Variants in COL21A1 observed in about 807,000 individuals in gnomAD.
COL21A1 encodes collagen type XXI alpha 1 chain.
A neutral mutation model predicts 137.9 loss-of-function variants in COL21A1; 149 were observed. That is an observed-to-expected ratio of 1.08 (90% CI 0.95 to 1.24). The LOEUF (loss-of-function observed/expected upper bound fraction) is 1.24. COL21A1 is among the 50% of genes most tolerant of loss of function. The pLI, the probability that COL21A1 is intolerant of heterozygous loss-of-function variation, is 0.00. For missense variants in COL21A1, 1,167 were observed against 1,158.4 expected, an observed-to-expected ratio of 1.01 and a Z score of -0.11; for synonymous variants, 456 against 391.5, an observed-to-expected ratio of 1.16 and a Z score of -1.95.
At chr6:56,295,964 T>C (rs1288610502) in intron 1 of COL21A1, among the ~76,000 whole-genome samples, 2 of 151,916 alleles carry the variant, frequency 1.3e-5, no homozygotes, top group Admixed American at 1.3e-4. Context: ...ACTTACAGTA[T>C]GATATTGAAT....
chr6:56,275,256 A>C lies in COL21A1; in HGVS notation c.-38-92600T>G, dbSNP rs573168256. 1.8e-4 allele frequency among the ~76,000 whole-genome samples: 28 copies of C among 152,322 alleles called. 1 individual carries two copies. The South Asian group carries it at 5.8e-3, about 32-fold the overall frequency. Reference sequence around the variant, plus strand: ...TTAAATATAAGACCTCAAACTATAAAAATCCTAGAAGAAAACAGGAGATAC... The same window carrying C: ...TTAAATATAAGACCTCAAACTATAACAATCCTAGAAGAAAACAGGAGATAC... On this transcript the variant is annotated intron_variant, in intron 1 of 28. Coordinates refer to the COL21A1 transcript ENST00000370819.
intron 3 of COL21A1, among the ~76,000 whole-genome samples, chr6:56,178,734 A>T (rs1777675884): frequency 6.6e-6 from 1 of 152,100 alleles, no homozygotes; most frequent in Non-Finnish European, 1.5e-5. Context: ...CAAAACTGGG[A>T]CCTTCCCATA....
At chr6:56,272,245 G>T (rs1763545981) in intron 1 of COL21A1, among the ~76,000 whole-genome samples, 2 of 152,240 alleles carry the variant, frequency 1.3e-5, no homozygotes, top group South Asian at 4.1e-4. Flanking sequence ...CCTTGCATCA[G>T]CATTCCCTGG....
rs75400116 is a variant in COL21A1, at chr6:56,113,480, G to A, written c.1758+10582C>T. On this transcript the variant is annotated intron_variant, in intron 16 of 29. Coordinates refer to ENST00000244728, the MANE Select transcript of COL21A1 (RefSeq NM_030820.4). ...ACCCTGGGCCAGAAGTAAACCCACT[G>A]CCTTGAAGGAAAGGATGCAGTCCTG... is the stretch of plus-strand genomic sequence containing the variant. 8.1e-3 allele frequency among the ~76,000 whole-genome samples: 1,233 copies of A among 152,254 alleles called. 19 individuals carry two copies. The highest frequency in any genetic ancestry group is 0.029 in the African/African-American group (1,188 of 41,538).
intron 12 of COL21A1, among the ~76,000 whole-genome samples, chr6:56,137,026 C>G (rs1774056700): frequency 6.6e-6 from 1 of 152,120 alleles, no homozygotes; most frequent in African/African-American, 2.4e-5. Flanking sequence ...AAAAACTACT[C>G]TGGCCAAAGC....
At position 56,156,956 on chromosome 6, in the gene COL21A1, A is replaced by G; in HGVS notation, c.1372-7T>C. 6.2e-7 allele frequency: 1 copy of G among 1,608,730 alleles called. No individual in the cohort carries two copies. ...CAGGCAGTCCAGGGTCACCCTAAGC[A>G]GGAAGCAAACAAACTTTTGAGTACA... On this transcript the variant is annotated splice_polypyrimidine_tract_variant and splice_region_variant and intron_variant, in intron 9 of 29. Transcript: ENST00000244728.
chr6:56,073,203 G>A (rs1291236912), intron 20 of COL21A1, among the ~76,000 whole-genome samples: 1 of 151,384 alleles, frequency 6.6e-6, no homozygotes, highest in Admixed American at 6.6e-5. Flanking sequence ...TTAATAAGGG[G>A]TATTTTCTTA....
At chr6:56,372,150 G>A (rs903825069) in intron 1 of COL21A1, among the ~76,000 whole-genome samples, 3 of 152,090 alleles carry the variant, frequency 2.0e-5, no homozygotes, top group African/African-American at 4.8e-5. Context: ...GGAAGGAGCC[G>A]GCTTCTAATC....
chr6:56,369,373 TCA>T (rs1328686767), intron 1 of COL21A1, among the ~76,000 whole-genome samples: 9 of 151,316 alleles, frequency 5.9e-5, no homozygotes, highest in Non-Finnish European at 1.2e-4. Context: ...ATCCTACATA[TCA>T]CACAGCAAAA....
chr6:56,346,758 G>A (rs984426516), intron 1 of COL21A1, among the ~76,000 whole-genome samples: 9 of 152,164 alleles, frequency 5.9e-5, no homozygotes, highest in African/African-American at 2.2e-4. Context: ...AGTGAGAGCT[G>A]TACCGCTCCT....
chr6:56,194,718 A>C (rs1582611936), intron 1 of COL21A1, among the ~76,000 whole-genome samples: 2 of 152,314 alleles, frequency 1.3e-5, no homozygotes, highest in East Asian at 3.9e-4. Flanking sequence ...CCCATATCTC[A>C]AATGTTAAGG....
intron 16 of COL21A1, among the ~76,000 whole-genome samples, chr6:56,120,558 A>T (rs1582408346): frequency 6.6e-6 from 1 of 152,164 alleles, no homozygotes; most frequent in Admixed American, 6.6e-5. Flanking sequence ...AACTTTTGGG[A>T]GGCCAAGGAG....
intron 1 of COL21A1, among the ~76,000 whole-genome samples, chr6:56,236,130 G>C (rs934733619): frequency 6.6e-6 from 1 of 151,978 alleles, no homozygotes; most frequent in African/African-American, 2.4e-5. Flanking sequence ...TTTAGGGAAG[G>C]CTGACAAGAG....
intron 1 of COL21A1, among the ~76,000 whole-genome samples, chr6:56,287,332 C>T (rs1043689977): frequency 2.0e-5 from 3 of 152,156 alleles, no homozygotes; most frequent in Admixed American, 2.0e-4. Flanking sequence ...TTAGGTTACA[C>T]AGCAAACAGG....
intron 1 of COL21A1, among the ~76,000 whole-genome samples, chr6:56,266,345 T>A (rs1763389908): frequency 6.6e-6 from 1 of 152,236 alleles, no homozygotes; most frequent in Non-Finnish European, 1.5e-5. Flanking sequence ...CTGGTACCTG[T>A]GTTTATAAAT....
intron 3 of COL21A1, among the ~76,000 whole-genome samples, chr6:56,176,752 A>G (rs1356924233): frequency 2.0e-5 from 3 of 151,870 alleles, no homozygotes; most frequent in African/African-American, 7.3e-5. Context: ...CATTGTGCTT[A>G]TGATTCACAA....
At chr6:56,244,317 T>A (rs1290905838) in intron 1 of COL21A1, among the ~76,000 whole-genome samples, 1 of 152,188 alleles carries the variant, frequency 6.6e-6, no homozygotes, top group African/African-American at 2.4e-5. Context: ...TCACTCTGAA[T>A]TGCAACATCA....
chr6:56,288,531 C>T (rs1294742512), intron 1 of COL21A1, among the ~76,000 whole-genome samples: 1 of 152,194 alleles, frequency 6.6e-6, no homozygotes, highest in Non-Finnish European at 1.5e-5. Flanking sequence ...TTTGAAGTCA[C>T]ACTCCCTGTT....
chr6:56,269,112 ATGT>A (rs1763462623), intron 1 of COL21A1, among the ~76,000 whole-genome samples: 1 of 152,264 alleles, frequency 6.6e-6, no homozygotes. Context: ...ATATGAGATT[ATGT>A]AAGAACAAAC....
Sources: allele counts gnomAD v4.1 joint callset (sites outside exome capture counted in the v4.1 genomes callset), GRCh38; gene constraint gnomAD v4.1.1; transcripts MANE v1.5; gene names NCBI Gene and HGNC (gene_info 2026-07-23, HGNC 2026-07-21).